Variants in ICOS observed in about 807,000 individuals in gnomAD.
ICOS encodes the protein inducible T-cell costimulator.
A neutral mutation model predicts 24.6 loss-of-function variants in ICOS; 15 were observed. That is an observed-to-expected ratio of 0.61 (90% CI 0.41 to 0.94). The LOEUF is 0.94. ICOS is among the 40% of genes least tolerant of loss of function. The pLI, the probability that ICOS is intolerant of heterozygous loss-of-function variation, is 0.00. For missense variants in ICOS, 200 were observed against 233.0 expected, an observed-to-expected ratio of 0.86 and a Z score of 0.92; for synonymous variants, 89 against 77.5, an observed-to-expected ratio of 1.15 and a Z score of -0.78.
chr2:203,938,994 C>A (rs1475266295), intron 1 of ICOS, among the ~76,000 whole-genome samples: 1 of 152,152 alleles, frequency 6.6e-6, no homozygotes, highest in Non-Finnish European at 1.5e-5. Context: ...AGAAAAAGAG[C>A]CAAACTCAAG....
At chr2:203,956,027 T>C in intron 2 of ICOS, 56 bp downstream of exon 2, 1 of 1,208,838 alleles carries the variant, frequency 8.3e-7, no homozygotes, top group South Asian at 1.3e-5. Flanking sequence ...TTTGACAACT[T>C]TTCTCACTAA....
chr2:203,957,621 G>A (rs777553629), intron 3 of ICOS, among the ~76,000 whole-genome samples, 178 bp from the exon 4 acceptor site: 2 of 152,162 alleles, frequency 1.3e-5, no homozygotes, highest in Non-Finnish European at 2.9e-5. Context: ...TCAGTAGAAA[G>A]CTCTTTTTAT....
At chr2:203,945,243 TGAAAA>T (rs1192746145) in intron 1 of ICOS, among the ~76,000 whole-genome samples, 6 of 151,742 alleles carry the variant, frequency 4.0e-5, no homozygotes, top group African/African-American at 1.5e-4. Flanking sequence ...AGGGAAGACA[TGAAAA>T]AGGTGTGGAT....
intron 1 of ICOS, among the ~76,000 whole-genome samples, chr2:203,946,589 A>G (rs895645052): frequency 6.6e-6 from 1 of 152,172 alleles, no homozygotes; most frequent in African/African-American, 2.4e-5. Context: ...CTAACCAGGG[A>G]TCTAAAGGTT....
At chr2:203,946,946 C>T (rs766553984) in intron 1 of ICOS, among the ~76,000 whole-genome samples, 7 of 152,194 alleles carry the variant, frequency 4.6e-5, no homozygotes, top group African/African-American at 9.7e-5. Context: ...ATATCTTGCA[C>T]GCTCTGCACT....
At chr2:203,957,776 A>G (rs763476251) in intron 3 of ICOS, 23 bp from the exon 4 acceptor site, 5 of 1,549,192 alleles carry the variant, frequency 3.2e-6, no homozygotes, top group Non-Finnish European at 3.6e-6. Flanking sequence ...ATGACCAAGC[A>G]TGTTTCTGGC....
In ICOS at chr2:203,960,273, G is replaced by C. The variant is rs1426088306; in HGVS notation, c.*674G>C. On this transcript the variant is annotated 3_prime_UTR_variant, in exon 5 of 5. Transcript: ENST00000316386. Reference sequence around the variant, plus strand: ...GCCCAACAGCCACTCTCAATAGAGAGCTATGTCTTACATTCTTTCCTCTGC... The same window carrying C: ...GCCCAACAGCCACTCTCAATAGAGACCTATGTCTTACATTCTTTCCTCTGC... The C allele has an allele frequency of 6.4e-5, 10 of 157,248 alleles. No individual in the cohort carries two copies. The highest frequency in any genetic ancestry group is 6.0e-4 in the Admixed American group (10 of 16,658). The allele number at this position is 157,248 out of a possible 1,614,324, so 9.7% of individuals were successfully genotyped here.
intron 4 of ICOS, among the ~76,000 whole-genome samples, chr2:203,959,376 G>T (rs1185795653): frequency 6.6e-6 from 1 of 152,124 alleles, no homozygotes; most frequent in Non-Finnish European, 1.5e-5. Flanking sequence ...TATAGGAGTC[G>T]AGAGCTAAAC....
At chr2:203,953,017 A>G (rs903451015) in intron 1 of ICOS, among the ~76,000 whole-genome samples, 1 of 152,174 alleles carries the variant, frequency 6.6e-6, no homozygotes, top group Non-Finnish European at 1.5e-5. Context: ...GCTGAAGGGT[A>G]ATAATAATGC....
rs1297706917 is a variant in ICOS at position 203,956,760 on chromosome 2, A to G, written c.496A>G (p.Lys166Glu). ...LGCILICWLTKKKYSSSVHDP... is the reference protein window; with the variant it reads ...LGCILICWLTEKKYSSSVHDP... ...ATGCATACTTATTTGTTGGCTTACAAAAAAGGTAAGCGATTTCTATCTTTC... is the reference window on the plus strand; with the variant it reads ...ATGCATACTTATTTGTTGGCTTACAGAAAAGGTAAGCGATTTCTATCTTTC... The change falls in exon 3 of 5, where the codon AAA (lysine) becomes GAA (glutamate). Residue 166 changes from lysine (K) to glutamate (E), a missense_variant. By Grantham distance (56) the Lys-to-Glu change is moderately conservative. Coordinates refer to ENST00000316386, the MANE Select transcript of ICOS (RefSeq NM_012092.4). 1.2e-6 allele frequency: 2 copies of G among 1,603,942 alleles called. No individual in the cohort carries two copies. The highest frequency in any genetic ancestry group is 8.5e-7 in the Non-Finnish European group (1 of 1,170,958).
At chr2:203,951,171 C>G (rs912221250) in intron 1 of ICOS, among the ~76,000 whole-genome samples, 1 of 152,150 alleles carries the variant, frequency 6.6e-6, no homozygotes, top group African/African-American at 2.4e-5. Context: ...GCACGGCATT[C>G]CTGGTCCTAC....
In ICOS at chr2:203,940,791, AT is replaced by A. The variant is rs555754137; in HGVS notation, c.58+3929del. Reference sequence around the variant, plus strand: ...TTTCTCTTTCTGTGTGTTTCTATTAATTTTTTTTTTGAGGCGGAGTCTCACT... The same window carrying A: ...TTTCTCTTTCTGTGTGTTTCTATTAATTTTTTTTTGAGGCGGAGTCTCACT... On this transcript the variant is annotated intron_variant, in intron 1 of 4. Coordinates refer to ENST00000316386, the MANE Select transcript of ICOS (RefSeq NM_012092.4). 4.4e-4 allele frequency among the ~76,000 whole-genome samples: 66 copies of A among 149,418 alleles called. 2 individuals carry two copies. In the East Asian group the frequency reaches 8.2e-3, roughly 19 times the overall value.
At chr2:203,956,806 G>A (rs2105754875) in intron 3 of ICOS, 41 bp downstream of exon 3, 4 of 1,234,890 alleles carry the variant, frequency 3.2e-6, no homozygotes, top group African/African-American at 1.5e-5. Context: ...CTTTACAGAT[G>A]CACATCAGTG....
chr2:203,959,610 T>C lies in ICOS; in HGVS notation c.*11T>C. 6.2e-7 allele frequency: 1 copy of C among 1,612,908 alleles called. No homozygotes were observed. On this transcript the variant is annotated 3_prime_UTR_variant, in exon 5 of 5. Coordinates refer to ENST00000316386, the MANE Select transcript of ICOS (RefSeq NM_012092.4). ...GATGTGACCCTATAATATGGAACTC[T>C]GGCACCCAGGCATGAAGCACGTTGG...
chr2:203,944,946 G>A (rs1689842322), intron 1 of ICOS, among the ~76,000 whole-genome samples: 1 of 152,180 alleles, frequency 6.6e-6, no homozygotes, highest in East Asian at 1.9e-4. Flanking sequence ...CAGAAATAAT[G>A]AAATGTGAAG....
chr2:203,945,239 GAC>G (rs1257437881), intron 1 of ICOS, among the ~76,000 whole-genome samples: 6 of 152,082 alleles, frequency 3.9e-5, no homozygotes, highest in African/African-American at 1.4e-4. Flanking sequence ...GATAAGGGAA[GAC>G]ATGAAAAAGG....
chr2:203,939,430 A>G (rs1036909594), intron 1 of ICOS, among the ~76,000 whole-genome samples: 4 of 152,170 alleles, frequency 2.6e-5, no homozygotes, highest in Non-Finnish European at 4.4e-5. Context: ...AATATCTACG[A>G]AAAATGTGAA....
Position 203,955,735 on chromosome 2 carries a change from T to C in ICOS, c.158T>C (p.Met53Thr). The C allele has an allele frequency of 1.9e-6, 3 of 1,613,726 alleles. No homozygotes were observed. The highest frequency in any genetic ancestry group is 2.5e-6 in the Non-Finnish European group (3 of 1,179,706). ...KYPDIVQQFK[M>T]QLLKGGQILC... ...CCTGACATTGTCCAGCAATTTAAAA[T>C]GCAGTTGCTGAAAGGGGGGCAAATA... Residue 53 changes from methionine (M) to threonine (T), a missense_variant, in exon 2 of 5, where the codon ATG (methionine) becomes ACG (threonine). Coordinates refer to ENST00000316386, the MANE Select transcript of ICOS (RefSeq NM_012092.4).
intron 1 of ICOS, among the ~76,000 whole-genome samples, chr2:203,943,583 A>T (rs1368412919): frequency 6.6e-6 from 1 of 152,038 alleles, no homozygotes; most frequent in Admixed American, 6.5e-5. Flanking sequence ...GGACTCCATG[A>T]GGGCCTTTAG....
Sources: gnomAD v4.1 joint callset for allele counts (sites outside exome capture counted in the v4.1 genomes callset) on GRCh38, gnomAD v4.1.1 for gene constraint, MANE v1.5 for transcripts, NCBI Gene and HGNC (gene_info 2026-07-23, HGNC 2026-07-21) for gene names.